GLDC: variants seen among roughly 807,000 people sequenced by gnomAD.
GLDC encodes the protein glycine dehydrogenase (decarboxylating), mitochondrial.
Under a neutral mutation model 121.3 loss-of-function variants are expected in GLDC, and 104 were observed. That is an observed-to-expected ratio of 0.86 (90% CI 0.73 to 1.01). The LOEUF is 1.01. GLDC is among the 50% of genes least tolerant of loss of function. The pLI, the probability that GLDC is intolerant of heterozygous loss-of-function variation, is 0.00. For synonymous variants in GLDC, 546 were observed against 480.6 expected, an observed-to-expected ratio of 1.14 and a Z score of -1.78; for missense variants, 1,429 against 1,306.6, an observed-to-expected ratio of 1.09 and a Z score of -1.44.
At chr9:6,596,670 C>T (rs1818499173) in intron 8 of GLDC, among the ~76,000 whole-genome samples, 1 of 152,146 alleles carries the variant, frequency 6.6e-6, no homozygotes, top group African/African-American at 2.4e-5. Context: ...TAGGGAAATA[C>T]AAAACAAAAC....
rs746461979 is a variant in GLDC at position 6,592,915 on chromosome 9, A to G, written c.1337T>C (p.Val446Ala). Residue 446 changes from valine (V) to alanine (A), a missense_variant, in exon 10 of 25, where the codon GTG becomes GCG. Coordinates refer to ENST00000321612, the MANE Select transcript of GLDC (RefSeq NM_000170.3). The part of the protein sequence containing the change: ...DTLKIQCGCS[V>A]KEVLGRAAQR... ...AGCGGCCCTGCCCAAGACCTCCTTCACTGAGCAGCCACACTGAATCTTCAA... is the reference window on the plus strand; with the variant it reads ...AGCGGCCCTGCCCAAGACCTCCTTCGCTGAGCAGCCACACTGAATCTTCAA... The G allele has an allele frequency of 3.1e-6, 5 of 1,613,948 alleles. No homozygotes were observed. Among genetic ancestry groups the G allele is most frequent in the Non-Finnish European group, 4.2e-6 (5 of 1,179,888 alleles).
Position 6,645,697 on chromosome 9 carries a change from G to A in GLDC, c.-198C>T, listed in dbSNP as rs1477349060. The A allele has an allele frequency of 3.0e-6, 1 of 337,066 alleles. No homozygotes were observed. Among genetic ancestry groups the A allele is most frequent in the African/African-American group, 2.2e-5 (1 of 45,742 alleles). 20.9% of individuals were successfully genotyped at this position (337,066 alleles called of 1,614,324 possible). ...AACCAAGACACTCGCGCAAAGTTGT[G>A]GCTCCACCCAAGGCACCTGCTCCGC... is the stretch of plus-strand genomic sequence containing the variant. On this transcript the variant is annotated 5_prime_UTR_variant, in exon 1 of 25. Transcript: ENST00000321612.
chr9:6,545,126 A>G (rs1022885863), intron 21 of GLDC, among the ~76,000 whole-genome samples: 5 of 151,780 alleles, frequency 3.3e-5, no homozygotes, highest in Non-Finnish European at 7.4e-5. Flanking sequence ...AAAAAGTATC[A>G]TCTTACCTGA....
chr9:6,610,958 G>A (rs1166064038), intron 3 of GLDC, among the ~76,000 whole-genome samples: 3 of 152,168 alleles, frequency 2.0e-5, no homozygotes, highest in Non-Finnish European at 2.9e-5. Context: ...CTAGATAAAA[G>A]ACCTCATTCA....
intron 2 of GLDC, among the ~76,000 whole-genome samples, chr9:6,623,955 G>A (rs1365191211): frequency 6.6e-6 from 1 of 152,176 alleles, no homozygotes; most frequent in Non-Finnish European, 1.5e-5. Context: ...TCCTGTGCAG[G>A]GGGGACAGGT....
chr9:6,558,749 A>G, intron 16 of GLDC, 65 bp from the exon 17 acceptor site: 1 of 1,555,770 alleles, frequency 6.4e-7, no homozygotes, highest in Non-Finnish European at 8.9e-7. Flanking sequence ...AATGACAGAA[A>G]AGTACTACAA....
At chr9:6,599,618 G>A (rs1818559363) in intron 8 of GLDC, among the ~76,000 whole-genome samples, 1 of 151,924 alleles carries the variant, frequency 6.6e-6, no homozygotes, top group Non-Finnish European at 1.5e-5. Flanking sequence ...CTACTCAGGA[G>A]GCTGAGGCAA....
intron 18 of GLDC, among the ~76,000 whole-genome samples, chr9:6,555,619 T>TA (rs1343855494): frequency 2.0e-5 from 3 of 151,398 alleles, no homozygotes; most frequent in East Asian, 1.9e-4. Flanking sequence ...AATACAAAAA[T>TA]AAAAATAAAA....
rs1818821277 is a variant in GLDC, at chr9:6,610,122, T to C, written c.635+70A>G. On this transcript the variant is annotated intron_variant, in intron 4 of 24. Coordinates refer to ENST00000321612, the MANE Select transcript of GLDC (RefSeq NM_000170.3). ...GACTAAAGTAATATTCACAATATAC[T>C]ATAGAAAGAAAACAAGGCCAGGCGA... 4 of 1,169,666 alleles carry C rather than the reference T, an allele frequency of 3.4e-6. 1 individual carries two copies. The highest frequency in any genetic ancestry group is 2.6e-5 in the South Asian group (2 of 76,336). The allele number at this position is 1,169,666 out of a possible 1,614,324, so 72.5% of individuals were successfully genotyped here.
At chr9:6,627,225 G>A (rs1291900379) in intron 2 of GLDC, among the ~76,000 whole-genome samples, 2 of 149,358 alleles carry the variant, frequency 1.3e-5, no homozygotes, top group Non-Finnish European at 3.0e-5. Flanking sequence ...GAACCCAGGA[G>A]GCAGAGCTTG....
chr9:6,625,398 A>AATAT (rs1819214617), intron 2 of GLDC, among the ~76,000 whole-genome samples: 1 of 152,150 alleles, frequency 6.6e-6, no homozygotes, highest in Non-Finnish European at 1.5e-5. Context: ...ATGCCTGGAG[A>AATAT]AAAATAATAT....
chr9:6,629,597 C>G (rs966277795), intron 2 of GLDC, among the ~76,000 whole-genome samples: 1 of 129,978 alleles, frequency 7.7e-6, no homozygotes, highest in Non-Finnish European at 1.6e-5. Context: ...AGTCAAGATA[C>G]CTGCTACAAC....
chr9:6,611,654 C>T (rs141405893), intron 3 of GLDC, among the ~76,000 whole-genome samples: 2 of 151,996 alleles, frequency 1.3e-5, no homozygotes, highest in African/African-American at 4.8e-5. Context: ...TATATTCACA[C>T]TGTCTAATTA....
chr9:6,550,115 G>C (rs1044350281), intron 21 of GLDC, among the ~76,000 whole-genome samples: 3 of 152,154 alleles, frequency 2.0e-5, no homozygotes, highest in Non-Finnish European at 4.4e-5. Context: ...ATCTCAAATG[G>C]CTCCAGCAAG....
intron 2 of GLDC, among the ~76,000 whole-genome samples, chr9:6,644,050 A>AAAAAAAAAAAAAAAAAAAAAAAAAC (rs55988287): frequency 2.2e-5 from 2 of 92,702 alleles, no homozygotes; most frequent in Non-Finnish European, 4.0e-5. Flanking sequence ...AAAAAAAAAA[A>AAAAAAAAAAAAAAAAAAAAAAAAAC]CGAAAAAAAA....
At chr9:6,542,557 T>C (rs1238378871) in intron 21 of GLDC, among the ~76,000 whole-genome samples, 1 of 151,314 alleles carries the variant, frequency 6.6e-6, no homozygotes, top group Admixed American at 6.6e-5. Context: ...TTTCTAACAA[T>C]GATGGGGAAT....
At chr9:6,575,813 A>G (rs1233775647) in intron 15 of GLDC, among the ~76,000 whole-genome samples, 2 of 152,230 alleles carry the variant, frequency 1.3e-5, no homozygotes, top group African/African-American at 4.8e-5. Flanking sequence ...AGCAATTCCT[A>G]GAATGTACTT....
intron 2 of GLDC, among the ~76,000 whole-genome samples, chr9:6,632,762 T>G (rs1819413842): frequency 6.6e-6 from 1 of 152,160 alleles, no homozygotes; most frequent in Admixed American, 6.5e-5. Context: ...CTGCCCCACC[T>G]CTCTCTCAAC....
chr9:6,592,905 G>C lies in GLDC; in HGVS notation c.1347C>G (p.Val449=). Residue 449 remains valine (V), a synonymous_variant, in exon 10 of 25, where the codon GTC becomes GTG. Coordinates refer to ENST00000321612, the MANE Select transcript of GLDC (RefSeq NM_000170.3). ...TCTGCCGCTGAGCGGCCCTGCCCAA[G>C]ACCTCCTTCACTGAGCAGCCACACT... The part of the protein sequence containing the change: ...KIQCGCSVKE[V]LGRAAQRQIN... 6.2e-7 allele frequency: 1 copy of C among 1,613,908 alleles called. No individual in the cohort carries two copies. The highest frequency in any genetic ancestry group is 8.5e-7 in the Non-Finnish European group (1 of 1,179,790).
Sources: gnomAD v4.1 joint callset for allele counts (sites outside exome capture counted in the v4.1 genomes callset) on GRCh38, gnomAD v4.1.1 for gene constraint, MANE v1.5 for transcripts, NCBI Gene and HGNC (gene_info 2026-07-23, HGNC 2026-07-21) for gene names.